The following GRM8 variants were observed in gnomAD, a reference collection of about 807,000 sequenced individuals.
GRM8 encodes glutamate metabotropic receptor 8.
In GRM8, 47 loss-of-function variants were observed where a neutral mutation model predicts 87.2. The observed-to-expected ratio is 0.54, with a 90% CI of 0.43 to 0.69. GRM8 has a LOEUF of 0.69. GRM8 is among the 30% of genes least tolerant of loss of function. GRM8 has a pLI of 0.00. For synonymous variants in GRM8, 396 were observed against 404.5 expected (o/e 0.98, Z 0.25); for missense variants, 1,019 against 1,139.2 (o/e 0.89, Z 1.52).
intron 3 of GRM8, among the ~76,000 whole-genome samples, chr7:126,991,404 T>C (rs994143276): frequency 2.0e-5 from 3 of 152,214 alleles, no homozygotes; most frequent in Non-Finnish European, 2.9e-5. Flanking sequence ...TAAAAGACTG[T>C]GTTCCGAAGC....
chr7:126,945,530 A>G (rs1253620158), intron 3 of GRM8, among the ~76,000 whole-genome samples: 1 of 152,214 alleles, frequency 6.6e-6, no homozygotes, highest in Non-Finnish European at 1.5e-5. Context: ...ACTTTGTTTC[A>G]TGCCCAAAAT....
intron 7 of GRM8, among the ~76,000 whole-genome samples, chr7:126,644,974 T>C (rs1305319718): frequency 6.6e-6 from 1 of 152,246 alleles, no homozygotes; most frequent in Non-Finnish European, 1.5e-5. Context: ...TCCGACAGTG[T>C]TGACGCCATC....
intron 9 of GRM8, among the ~76,000 whole-genome samples, chr7:126,508,402 T>C (rs1452407157): frequency 2.0e-5 from 3 of 151,900 alleles, no homozygotes; most frequent in Non-Finnish European, 4.4e-5. Context: ...GAGAGCCCAT[T>C]CCTAAAAGCC....
At chr7:126,607,256 T>A (rs983423554) in intron 8 of GRM8, among the ~76,000 whole-genome samples, 1 of 152,226 alleles carries the variant, frequency 6.6e-6, no homozygotes, top group East Asian at 1.9e-4. Context: ...AGTATTGATA[T>A]GTGGCCTTAC....
intron 6 of GRM8, among the ~76,000 whole-genome samples, chr7:126,835,786 A>G (rs1377351402): frequency 1.3e-5 from 2 of 152,250 alleles, no homozygotes; most frequent in African/African-American, 2.4e-5. Context: ...CAAAAACTTT[A>G]GAAAATTAAT....
chr7:127,168,715 G>A (rs1374549605), intron 2 of GRM8, among the ~76,000 whole-genome samples: 1 of 151,526 alleles, frequency 6.6e-6, no homozygotes, highest in Admixed American at 6.6e-5. Context: ...GCAGGGACAT[G>A]GATGAAGCTG....
chr7:126,819,169 G>A (rs1014377012), intron 6 of GRM8, among the ~76,000 whole-genome samples: 1 of 152,020 alleles, frequency 6.6e-6, no homozygotes, highest in African/African-American at 2.4e-5. Flanking sequence ...ACAAGCAAGA[G>A]AGTCACACAC....
chr7:126,840,141 T>C (rs975065411), intron 6 of GRM8, among the ~76,000 whole-genome samples: 1 of 152,190 alleles, frequency 6.6e-6, no homozygotes, highest in African/African-American at 2.4e-5. Context: ...GTAATTAAAA[T>C]GTTATTTCCA....
chr7:126,664,904 A>C (rs148825768), intron 7 of GRM8, among the ~76,000 whole-genome samples: 8 of 152,202 alleles, frequency 5.3e-5, no homozygotes, highest in African/African-American at 1.9e-4. Context: ...TAAGGAACTT[A>C]AACAATTCAG....
chr7:126,763,659 T>C (rs556001866), intron 7 of GRM8, among the ~76,000 whole-genome samples: 43 of 151,960 alleles, frequency 2.8e-4, no homozygotes, highest in Admixed American at 9.2e-4. Context: ...GGATTGATTA[T>C]TGTAGTTTAA....
At chr7:126,678,661 G>A (rs1170388085) in intron 7 of GRM8, among the ~76,000 whole-genome samples, 1 of 152,198 alleles carries the variant, frequency 6.6e-6, no homozygotes, top group Non-Finnish European at 1.5e-5. Context: ...TTTCCATTAA[G>A]TGGTACTCAG....
At chr7:126,912,154 G>A (rs1387929067) in intron 3 of GRM8, among the ~76,000 whole-genome samples, 8 of 152,064 alleles carry the variant, frequency 5.3e-5, no homozygotes, top group East Asian at 1.9e-4. Flanking sequence ...CCGAGATCCC[G>A]CCACTGCACT....
intron 6 of GRM8, among the ~76,000 whole-genome samples, chr7:126,808,877 C>T (rs1273000148): frequency 6.6e-6 from 1 of 152,156 alleles, no homozygotes; most frequent in Non-Finnish European, 1.5e-5. Context: ...ACAGATAAAG[C>T]TCCTGATATA....
intron 9 of GRM8, among the ~76,000 whole-genome samples, chr7:126,463,344 C>T (rs140900690): frequency 1.5e-4 from 22 of 151,560 alleles, no homozygotes; most frequent in Non-Finnish European, 2.2e-4. Flanking sequence ...GGATACGTAT[C>T]GTATAACTGG....
chr7:126,860,677 C>T (rs192938010), intron 6 of GRM8, among the ~76,000 whole-genome samples: 3 of 151,992 alleles, frequency 2.0e-5, no homozygotes, highest in Admixed American at 6.6e-5. Flanking sequence ...TTTTAAACAG[C>T]GGCAGATTTA....
intron 7 of GRM8, among the ~76,000 whole-genome samples, chr7:126,642,903 T>C (rs1300339241): frequency 6.6e-6 from 1 of 152,070 alleles, no homozygotes; most frequent in East Asian, 1.9e-4. Flanking sequence ...AGGGTAAGTG[T>C]AAGGATTACA....
chr7:127,138,445 C>T (rs1295281070), intron 2 of GRM8, among the ~76,000 whole-genome samples: 8 of 152,074 alleles, frequency 5.3e-5, no homozygotes, highest in Non-Finnish European at 1.2e-4. Flanking sequence ...AAATACTGCT[C>T]CAGCCCTTCA....
intron 3 of GRM8, among the ~76,000 whole-genome samples, chr7:126,985,146 G>A (rs185126705): frequency 6.6e-6 from 1 of 152,130 alleles, no homozygotes; most frequent in African/African-American, 2.4e-5. Flanking sequence ...GCATATTTTG[G>A]CCAACTTTAT....
intron 3 of GRM8, among the ~76,000 whole-genome samples, chr7:126,970,676 C>A (rs147819339): frequency 1.6e-4 from 25 of 152,222 alleles, no homozygotes; most frequent in African/African-American, 4.6e-4. Context: ...CAAGAACTTT[C>A]CAGTTGCATT....
Sources: gnomAD v4.1 joint callset for allele counts (sites outside exome capture counted in the v4.1 genomes callset) on GRCh38, gnomAD v4.1.1 for gene constraint, MANE v1.5 for transcripts, NCBI Gene and HGNC (gene_info 2026-07-23, HGNC 2026-07-21) for gene names.